Variants in SYNE2 observed in about 807,000 individuals in gnomAD.
SYNE2 encodes the protein nesprin-2.
SYNE2 carries 431 observed loss-of-function variants against 856.3 expected under a neutral mutation model. The ratio of observed to expected loss-of-function variants is 0.50; its 90% CI spans 0.47 to 0.55. SYNE2 has a LOEUF of 0.55. Among genes scored for constraint, SYNE2 ranks in the 20% least tolerant of loss-of-function variants. The probability of loss-of-function intolerance (pLI) is 0.00; values close to 1 mark genes in which losing one functional copy is unlikely to be tolerated. For synonymous variants in SYNE2, 2,923 were observed against 2,872.3 expected (o/e 1.02, Z -0.56); for missense variants, 8,129 against 8,023.2 (o/e 1.01, Z -0.50).
chr14:64,009,179 G>A (rs1261476331), intron 31 of SYNE2, among the ~76,000 whole-genome samples: 1 of 152,068 alleles, frequency 6.6e-6, no homozygotes, highest in Admixed American at 6.5e-5. Context: ...TGTCCTAACT[G>A]CCACATTGTC....
At chr14:63,955,060 CA>C in intron 8 of SYNE2, 145 bp downstream of exon 8, 2 of 700,344 alleles carry the variant, frequency 2.9e-6, no homozygotes, top group South Asian at 1.7e-5. Context: ...GAATTTGATG[CA>C]ATCAAACAAT....
At chr14:64,145,503 G>T (rs1395042007) in intron 83 of SYNE2, among the ~76,000 whole-genome samples, 1 of 110,310 alleles carries the variant, frequency 9.1e-6, no homozygotes, top group Non-Finnish European at 1.6e-5. Context: ...GCGAGACTCC[G>T]TCTCAAAAAA....
At chr14:63,825,691 T>A (rs1397843897) in intron 1 of SYNE2, among the ~76,000 whole-genome samples, 1 of 152,030 alleles carries the variant, frequency 6.6e-6, no homozygotes, top group Non-Finnish European at 1.5e-5. Flanking sequence ...CTGGTCAACA[T>A]GGCAAAACCC....
intron 60 of SYNE2, 30 bp downstream of exon 60, chr14:64,091,078 C>T: frequency 6.2e-7 from 1 of 1,603,092 alleles, no homozygotes; most frequent in South Asian, 1.1e-5. Context: ...ATCCAACTTA[C>T]TGGATGAAAA....
intron 45 of SYNE2, among the ~76,000 whole-genome samples, chr14:64,038,709 G>A (rs541891670): frequency 2.0e-5 from 3 of 152,378 alleles, no homozygotes; most frequent in East Asian, 1.9e-4. Flanking sequence ...CAGGCGTGGC[G>A]GCGGGCGCCT....
upstream of SYNE2, among the ~76,000 whole-genome samples, chr14:63,851,149 T>C (rs1358712413): frequency 2.0e-5 from 3 of 151,948 alleles, no homozygotes; most frequent in Non-Finnish European, 2.9e-5. Flanking sequence ...GATCACGAGG[T>C]CAGGAGTTCA....
chr14:63,974,892 G>GTGTGTGTATA (rs1375697679), intron 11 of SYNE2, among the ~76,000 whole-genome samples: 1 of 67,318 alleles, frequency 1.5e-5, no homozygotes, highest in African/African-American at 4.5e-5. Flanking sequence ...GTGTGTGTGT[G>GTGTGTGTATA]TATATATATA....
In SYNE2 at chr14:64,126,654, T is replaced by C; in HGVS notation, c.13764T>C (p.Asp4588=). The C allele has an allele frequency of 1.9e-6, 3 of 1,614,198 alleles. No homozygotes were observed. The highest frequency in any genetic ancestry group is 2.2e-5 in the East Asian group (1 of 44,888). The change falls in exon 73 of 116, where the codon GAT becomes GAC. Residue 4588 remains aspartate, a synonymous_variant. Transcript: ENST00000555002. ...TAGCGCTAAGTGACAAGAAGGGTGA[T>C]CTTTTGAAAGCCATGACTTGGCCTG... ...LYLALSDKKG[D]LLKAMTWPGE... is the part of the protein sequence containing the mutation.
intron 2 of SYNE2, among the ~76,000 whole-genome samples, chr14:63,936,937 G>A (rs942347476): frequency 6.6e-6 from 1 of 152,108 alleles, no homozygotes; most frequent in Non-Finnish European, 1.5e-5. Flanking sequence ...CAGGATATCT[G>A]GAGGCATTAG....
rs759133105 is a variant in SYNE2 at position 63,962,120 on chromosome 14, G to A, written c.888+495G>A. 4.0e-5 allele frequency among the ~76,000 whole-genome samples: 6 copies of A among 151,512 alleles called. No homozygotes were observed. The East Asian group carries it at 5.8e-4, about 15-fold the overall frequency. On this transcript the variant is annotated intron_variant, in intron 9 of 115. Coordinates refer to ENST00000555002, the MANE Select transcript of SYNE2 (RefSeq NM_182914.3). The stretch of plus-strand genomic sequence containing the variant: ...CGCCCAGGCTGTAGTGCAGTGGCGC[G>A]ATCTTGGCTTACAGCAACCTCTGTC...
intron 52 of SYNE2, among the ~76,000 whole-genome samples, chr14:64,072,151 T>G (rs2097415783): frequency 6.6e-6 from 1 of 152,256 alleles, no homozygotes; most frequent in South Asian, 2.1e-4. Context: ...AATATTCTTA[T>G]GCCAGAATCT....
At chr14:63,947,107 C>T (rs937471757) in intron 6 of SYNE2, among the ~76,000 whole-genome samples, 2 of 152,146 alleles carry the variant, frequency 1.3e-5, no homozygotes, top group African/African-American at 4.8e-5. Context: ...GCCTTGGCCT[C>T]CCAAAGTGCT....
intron 11 of SYNE2, among the ~76,000 whole-genome samples, chr14:63,968,056 C>T (rs1170207552): frequency 6.6e-6 from 1 of 152,112 alleles, no homozygotes; most frequent in Non-Finnish European, 1.5e-5. Context: ...CCAGCTACTC[C>T]AGAGGCTGAG....
intron 8 of SYNE2, 48 bp from the exon 9 acceptor site, chr14:63,961,477 T>C: frequency 6.8e-7 from 1 of 1,478,188 alleles, no homozygotes; most frequent in Non-Finnish European, 9.4e-7. Context: ...TGAGTATTCA[T>C]TATAGTAAAT....
intron 99 of SYNE2, among the ~76,000 whole-genome samples, chr14:64,195,802 A>G (rs1008844792): frequency 5.3e-5 from 8 of 152,166 alleles, no homozygotes; most frequent in African/African-American, 1.9e-4. Context: ...CACGAAGTTG[A>G]CTTGCGTTGG....
At chr14:64,018,292 T>C (rs1004365114) in intron 34 of SYNE2, among the ~76,000 whole-genome samples, 1 of 152,118 alleles carries the variant, frequency 6.6e-6, no homozygotes, top group Admixed American at 6.6e-5. Flanking sequence ...CAGGCTGGAG[T>C]GCAGTGGCAC....
At chr14:63,868,837 A>G (rs1327535738) in intron 1 of SYNE2, among the ~76,000 whole-genome samples, 2 of 152,208 alleles carry the variant, frequency 1.3e-5, no homozygotes, top group Non-Finnish European at 2.9e-5. Flanking sequence ...TGAGCTTGGC[A>G]TAAGGATTAC....
intron 1 of SYNE2, among the ~76,000 whole-genome samples, chr14:63,796,348 T>C (rs1427770645): frequency 6.6e-6 from 1 of 152,134 alleles, no homozygotes. Context: ...TCCCAGCTAC[T>C]TGGGAGGCTG....
intron 50 of SYNE2, 117 bp from the exon 51 acceptor site, chr14:64,065,315 C>A: frequency 1.1e-6 from 1 of 869,930 alleles, no homozygotes. Context: ...AGAGGTGGAT[C>A]ATGCAATACT....
Sources: gnomAD v4.1 joint callset for allele counts (sites outside exome capture counted in the v4.1 genomes callset) on GRCh38, gnomAD v4.1.1 for gene constraint, MANE v1.5 for transcripts, NCBI Gene and HGNC (gene_info 2026-07-23, HGNC 2026-07-21) for gene names.